Variants in SIPA1L1 observed in about 807,000 individuals in gnomAD.
SIPA1L1 encodes the protein signal-induced proliferation-associated 1-like protein 1.
Under a neutral mutation model 162.7 loss-of-function variants are expected in SIPA1L1, and 26 were observed. The ratio of observed to expected loss-of-function variants is 0.16; its 90% confidence interval spans 0.12 to 0.22. SIPA1L1 has a LOEUF of 0.22. Ranked by LOEUF, SIPA1L1 falls within the 10% of genes least tolerant of loss-of-function variation. The pLI is 1.00. For missense variants in SIPA1L1, 1,874 were observed against 2,241.0 expected (o/e 0.84, Z 3.31); for synonymous variants, 829 against 837.4 (o/e 0.99, Z 0.17).
chr14:71,477,278 C>T (rs1255243744), intron 2 of SIPA1L1, among the ~76,000 whole-genome samples: 1 of 152,022 alleles, frequency 6.6e-6, no homozygotes, highest in Non-Finnish European at 1.5e-5. Flanking sequence ...CAAAAAAGTT[C>T]TTTTATGTTA....
At position 71,740,891 on chromosome 14, in the gene SIPA1L1, C is replaced by T. The variant is rs1008013277; in HGVS notation, c.*1730C>T. 6.6e-6 allele frequency: 1 copy of T among 152,136 alleles called. No homozygotes were observed. Among genetic ancestry groups the T allele is most frequent in the Non-Finnish European group, 1.5e-5 (1 of 68,030 alleles). 9.4% of individuals were successfully genotyped at this position (152,136 alleles called of 1,614,324 possible). On this transcript the variant is annotated 3_prime_UTR_variant, in exon 24 of 24. Transcript: ENST00000381232. ...CAAGCATTCTGAAGTCTTGCTTATCCTTCTGAGTTTAGTTCTCATTTTGTT... is the reference window on the plus strand; with the variant it reads ...CAAGCATTCTGAAGTCTTGCTTATCTTTCTGAGTTTAGTTCTCATTTTGTT...
intron 2 of SIPA1L1, among the ~76,000 whole-genome samples, chr14:71,323,644 C>T (rs1470881431): frequency 6.6e-6 from 1 of 151,646 alleles, no homozygotes; most frequent in Non-Finnish European, 1.5e-5. Flanking sequence ...TTTTTTTTCC[C>T]CTTTGGATCA....
chr14:71,633,109 ATTGT>A (rs1368244668), intron 7 of SIPA1L1, among the ~76,000 whole-genome samples: 13 of 108,962 alleles, frequency 1.2e-4, no homozygotes, highest in East Asian at 1.0e-3. Context: ...TACAAGCATG[ATTGT>A]TATGTTATGT....
intron 4 of SIPA1L1, among the ~76,000 whole-genome samples, chr14:71,570,197 C>T (rs1008576896): frequency 6.6e-6 from 1 of 152,064 alleles, no homozygotes; most frequent in African/African-American, 2.4e-5. Flanking sequence ...GTCAACAAGC[C>T]GTGCCTCACA....
At chr14:71,471,910 A>T (rs1302388253) in intron 2 of SIPA1L1, among the ~76,000 whole-genome samples, 1 of 152,266 alleles carries the variant, frequency 6.6e-6, no homozygotes, top group Non-Finnish European at 1.5e-5. Flanking sequence ...GCTAGAGACC[A>T]GGCCTACCTG....
intron 2 of SIPA1L1, among the ~76,000 whole-genome samples, chr14:71,485,790 T>C (rs539894358): frequency 9.2e-5 from 14 of 152,314 alleles, no homozygotes; most frequent in Admixed American, 4.6e-4. Flanking sequence ...GCCAAAAAGA[T>C]TGGGGACCGC....
rs1312625050 is a variant in SIPA1L1 at position 71,542,527 on chromosome 14, CCTCTTCCTCCTCCT to C, written c.-303+13173_-303+13186del. Among the ~76,000 whole-genome samples the C allele has an allele frequency of 4.3e-4, 65 of 150,558 alleles. 1 individual carries two copies. Among genetic ancestry groups the C allele is most frequent in the Admixed American group, 2.8e-3 (43 of 15,102 alleles). On this transcript the variant is annotated intron_variant, in intron 4 of 23. Transcript: ENST00000381232. ...CGTCGTCCTTCCTCTTCCTCCTCCT[CCTCTTCCTCCTCCT>C]CTCTTCCTCCTCCTCCTCTTCCTCC...
intron 7 of SIPA1L1, among the ~76,000 whole-genome samples, chr14:71,649,664 C>T (rs2042458610): frequency 6.6e-6 from 1 of 152,116 alleles, no homozygotes; most frequent in African/African-American, 2.4e-5. Context: ...GAAATATTTG[C>T]CATTAGCTGA....
At chr14:71,466,575 A>G (rs1245315217) in intron 2 of SIPA1L1, among the ~76,000 whole-genome samples, 11 of 147,650 alleles carry the variant, frequency 7.5e-5, no homozygotes, top group Admixed American at 7.4e-4. Context: ...TAATAGAGCC[A>G]TACTGAAAAA....
intron 2 of SIPA1L1, among the ~76,000 whole-genome samples, chr14:71,468,443 G>A (rs2047196960): frequency 6.6e-6 from 1 of 152,196 alleles, no homozygotes; most frequent in East Asian, 1.9e-4. Context: ...CAAAGACGGG[G>A]TGGTGGTTTC....
chr14:71,398,064 G>A lies in SIPA1L1; in HGVS notation c.-465+76883G>A, dbSNP rs550223607. On this transcript the variant is annotated intron_variant, in intron 2 of 23. Coordinates refer to ENST00000381232, the MANE Select transcript of SIPA1L1 (RefSeq NM_001386936.1). ...GGAGTCTCGCTCTTTTGCTCAGGCC[G>A]GACTGCAGTGGCGCTATCTCTGCTC... 3.2e-5 allele frequency among the ~76,000 whole-genome samples: 4 copies of A among 125,706 alleles called. No homozygotes were observed. In the East Asian group the frequency reaches 7.5e-4, roughly 24 times the overall value. 82.5% of individuals were successfully genotyped at this position (125,706 alleles called of 152,430 possible).
chr14:71,501,620 T>C (rs1195277850), intron 2 of SIPA1L1, among the ~76,000 whole-genome samples: 2 of 152,214 alleles, frequency 1.3e-5, no homozygotes, highest in African/African-American at 4.8e-5. Flanking sequence ...GGTAATGTTC[T>C]CTTTCCTGAT....
intron 2 of SIPA1L1, among the ~76,000 whole-genome samples, chr14:71,496,725 C>T (rs552103335): frequency 6.6e-6 from 1 of 152,096 alleles, no homozygotes; most frequent in African/African-American, 2.4e-5. Context: ...AATTGTCTCT[C>T]TCAGTTCTGT....
At chr14:71,443,381 T>C (rs912922225) in intron 2 of SIPA1L1, among the ~76,000 whole-genome samples, 1 of 152,202 alleles carries the variant, frequency 6.6e-6, no homozygotes, top group African/African-American at 2.4e-5. Context: ...TTCTGGAAAC[T>C]GGTAATATTT....
At chr14:71,579,858 C>T (rs1165118509) in intron 4 of SIPA1L1, among the ~76,000 whole-genome samples, 1 of 152,276 alleles carries the variant, frequency 6.6e-6, no homozygotes, top group East Asian at 1.9e-4. Context: ...AAGAAAACTG[C>T]ACTATCCTTA....
chr14:71,625,412 G>A (rs1216791885), intron 7 of SIPA1L1, among the ~76,000 whole-genome samples: 3 of 151,682 alleles, frequency 2.0e-5, no homozygotes, highest in African/African-American at 7.3e-5. Context: ...CGATTCTGTT[G>A]CCTCAGCCTC....
intron 21 of SIPA1L1, among the ~76,000 whole-genome samples, chr14:71,734,365 G>GA (rs2085088128): frequency 6.6e-6 from 1 of 152,236 alleles, no homozygotes; most frequent in African/African-American, 2.4e-5. Flanking sequence ...CTGCTGTAAT[G>GA]AAAACACAAA....
chr14:71,536,773 T>A (rs899959912), intron 4 of SIPA1L1, among the ~76,000 whole-genome samples: 2 of 152,230 alleles, frequency 1.3e-5, no homozygotes, highest in African/African-American at 4.8e-5. Flanking sequence ...AAGTTTTAAA[T>A]TATAATGTTG....
chr14:71,725,139 T>C (rs1207089949), intron 19 of SIPA1L1, among the ~76,000 whole-genome samples: 2 of 152,212 alleles, frequency 1.3e-5, no homozygotes, highest in African/African-American at 4.8e-5. Flanking sequence ...TGATATGACT[T>C]CTTGGAAACT....
Sources: gnomAD v4.1 joint callset for allele counts (sites outside exome capture counted in the v4.1 genomes callset) on GRCh38, gnomAD v4.1.1 for gene constraint, MANE v1.5 for transcripts, NCBI Gene and HGNC (gene_info 2026-07-23, HGNC 2026-07-21) for gene names.